The following ADD3 variants were observed in gnomAD, a reference collection of about 807,000 sequenced individuals.
The protein encoded by ADD3 is adducin 3.
Under a neutral mutation model 80.2 loss-of-function variants are expected in ADD3, and 25 were observed. That is an observed-to-expected ratio of 0.31 (90% CI 0.23 to 0.44). ADD3 has a LOEUF of 0.44. ADD3 is among the 20% of genes least tolerant of loss of function. The pLI is 1.00. For missense variants in ADD3, 829 were observed against 847.5 expected, an observed-to-expected ratio of 0.98 and a Z score of 0.27; for synonymous variants, 284 against 289.6, an observed-to-expected ratio of 0.98 and a Z score of 0.20.
At chr10:110,123,853 G>C in intron 9 of ADD3, 164 bp from the exon 10 acceptor site, 1 of 663,592 alleles carries the variant, frequency 1.5e-6, no homozygotes, top group Non-Finnish European at 2.5e-6. Flanking sequence ...CATAATTTCA[G>C]CTCCAGTGTT....
intron 1 of ADD3, among the ~76,000 whole-genome samples, chr10:110,094,125 T>G (rs1847880007): frequency 6.6e-6 from 1 of 152,192 alleles, no homozygotes; most frequent in Non-Finnish European, 1.5e-5. Context: ...GACCATTAAG[T>G]CTATTACAAG....
intron 1 of ADD3, among the ~76,000 whole-genome samples, chr10:110,096,362 C>A (rs1396622550): frequency 1.3e-5 from 2 of 152,168 alleles, no homozygotes; most frequent in African/African-American, 4.8e-5. Flanking sequence ...CTAATAGCCT[C>A]CCCACTGCCT....
At chr10:110,096,900 A>G (rs1439019822) in intron 1 of ADD3, among the ~76,000 whole-genome samples, 2 of 152,238 alleles carry the variant, frequency 1.3e-5, no homozygotes. Context: ...AGAGGCATCT[A>G]ACAGGTAACT....
chr10:110,130,865 A>T (rs1852881066), intron 13 of ADD3, among the ~76,000 whole-genome samples: 1 of 152,062 alleles, frequency 6.6e-6, no homozygotes, highest in South Asian at 2.1e-4. Context: ...CAAAAAAAAA[A>T]AAACAGAAAA....
Position 110,023,742 on chromosome 10 carries a change from G to A in ADD3, c.-30+15443G>A, listed in dbSNP as rs371414622. Reference sequence around the variant, plus strand: ...TTTACTGCTCAAGTGTTACCCAATCGTCCAGTCTTTAAATTTGTTTTCATT... The same window carrying A: ...TTTACTGCTCAAGTGTTACCCAATCATCCAGTCTTTAAATTTGTTTTCATT... On this transcript the variant is annotated intron_variant, in intron 1 of 14. Coordinates refer to ENST00000356080, the MANE Select transcript of ADD3 (RefSeq NM_016824.5). Among the ~76,000 whole-genome samples the A allele has an allele frequency of 1.2e-4, 19 of 152,200 alleles. No homozygotes were observed. In the East Asian group the frequency reaches 2.3e-3, roughly 19 times the overall value.
chr10:110,089,177 T>TA (rs1218034171), intron 1 of ADD3, among the ~76,000 whole-genome samples: 27 of 150,454 alleles, frequency 1.8e-4, no homozygotes, highest in South Asian at 4.2e-4. Flanking sequence ...AAAATAAAAA[T>TA]AAAAAAAAAG....
intron 1 of ADD3, among the ~76,000 whole-genome samples, chr10:110,094,557 C>A (rs1847934338): frequency 6.6e-6 from 1 of 152,138 alleles, no homozygotes; most frequent in Non-Finnish European, 1.5e-5. Flanking sequence ...ATGCCAGGTT[C>A]ATTTGGGTTT....
At chr10:110,079,457 A>AGT (rs1467567910) in intron 1 of ADD3, among the ~76,000 whole-genome samples, 172 of 121,162 alleles carry the variant, frequency 1.4e-3, no homozygotes, top group African/African-American at 5.8e-3. Flanking sequence ...AGAGAGAGAG[A>AGT]GAGAGTGTGT....
chr10:110,118,971 T>C (rs1590204675), intron 6 of ADD3, among the ~76,000 whole-genome samples: 1 of 152,376 alleles, frequency 6.6e-6, no homozygotes, highest in Non-Finnish European at 1.5e-5. Context: ...TTGAGTTTTT[T>C]GGAGCAAAGC....
chr10:110,089,084 T>G (rs1337583354), intron 1 of ADD3, among the ~76,000 whole-genome samples: 1 of 152,166 alleles, frequency 6.6e-6, no homozygotes, highest in Non-Finnish European at 1.5e-5. Flanking sequence ...TATTTGAATA[T>G]TCATTTGAGA....
chr10:110,032,928 G>A (rs1325144142), intron 1 of ADD3, among the ~76,000 whole-genome samples: 1 of 152,186 alleles, frequency 6.6e-6, no homozygotes, highest in African/African-American at 2.4e-5. Flanking sequence ...AGAGAAGTTA[G>A]AGTTAAATTA....
rs528603947 is a variant in ADD3 at position 110,048,660 on chromosome 10, A to C, written c.-30+40361A>C. Among the ~76,000 whole-genome samples, 6 of 152,296 alleles carry C rather than the reference A, an allele frequency of 3.9e-5. No homozygotes were observed. The East Asian group carries it at 1.2e-3, about 29-fold the overall frequency. ...TGCCCCAGAGATCTGTGGAACTTTG[A>C]ACTTGAGAAAGATAACTTAGGGTAT... On this transcript the variant is annotated intron_variant, in intron 1 of 14. Coordinates refer to ENST00000356080, the MANE Select transcript of ADD3 (RefSeq NM_016824.5).
chr10:110,115,780 A>G (rs1850655662), intron 3 of ADD3, among the ~76,000 whole-genome samples: 1 of 152,372 alleles, frequency 6.6e-6, no homozygotes, highest in South Asian at 2.1e-4. Flanking sequence ...TTAGATCATT[A>G]GAGACCTTCA....
At chr10:110,003,976 T>G (rs1333785419), upstream of ADD3, among the ~76,000 whole-genome samples, 4 of 152,220 alleles carry the variant, frequency 2.6e-5, no homozygotes, top group East Asian at 7.7e-4. Flanking sequence ...TGTATTCATT[T>G]TTTAAAGTAT....
intron 1 of ADD3, among the ~76,000 whole-genome samples, chr10:110,025,658 T>A (rs893536583): frequency 1.3e-5 from 2 of 152,208 alleles, no homozygotes; most frequent in African/African-American, 4.8e-5. Context: ...GAACCCAGTC[T>A]GATTAAAGGA....
At chr10:110,025,493 T>C (rs1170226494) in intron 1 of ADD3, among the ~76,000 whole-genome samples, 2 of 152,160 alleles carry the variant, frequency 1.3e-5, no homozygotes, top group Non-Finnish European at 2.9e-5. Context: ...CTTCAGATGC[T>C]AAAATTATGC....
chr10:110,059,111 G>A (rs1015364144), intron 1 of ADD3, among the ~76,000 whole-genome samples: 2 of 152,108 alleles, frequency 1.3e-5, no homozygotes, highest in African/African-American at 4.8e-5. Flanking sequence ...GAAAGATAAA[G>A]GAAATTCTAT....
At chr10:110,118,481 C>G in intron 5 of ADD3, 106 bp from the exon 6 acceptor site, 1 of 906,766 alleles carries the variant, frequency 1.1e-6, no homozygotes, top group Non-Finnish European at 1.7e-6. Flanking sequence ...AAAATATTTG[C>G]TATCTGACCT....
intron 1 of ADD3, among the ~76,000 whole-genome samples, chr10:110,087,209 A>C (rs1391285809): frequency 6.6e-6 from 1 of 151,838 alleles, no homozygotes; most frequent in Non-Finnish European, 1.5e-5. Context: ...TTGTATTTTT[A>C]GTAGGGATGG....
Sources: allele counts gnomAD v4.1 joint callset (sites outside exome capture counted in the v4.1 genomes callset), GRCh38; gene constraint gnomAD v4.1.1; transcripts MANE v1.5; gene names NCBI Gene and HGNC (gene_info 2026-07-23, HGNC 2026-07-21).